The following MYH9 variants were observed in gnomAD, a reference collection of about 807,000 sequenced individuals.
MYH9 encodes myosin heavy chain 9.
In MYH9, 29 loss-of-function variants were observed where a neutral mutation model predicts 241.9. That is an observed-to-expected ratio of 0.12 (90% CI 0.09 to 0.16). MYH9 has a LOEUF of 0.16. Ranked by LOEUF, MYH9 falls within the 10% of genes least tolerant of loss-of-function variation. The probability of loss-of-function intolerance (pLI) is 1.00; values close to 1 mark genes in which losing one functional copy is unlikely to be tolerated. For synonymous variants in MYH9, 1,047 were observed against 1,062.6 expected (o/e 0.99, Z 0.29); for missense variants, 1,803 against 2,595.5 (o/e 0.69, Z 6.63).
chr22:36,377,769 G>A (rs180760445), intron 1 of MYH9, among the ~76,000 whole-genome samples: 310 of 152,200 alleles, frequency 2.0e-3, no homozygotes, highest in Non-Finnish European at 3.6e-3. Flanking sequence ...AATTAGCCGG[G>A]CACGGTGGCG....
intron 3 of MYH9, among the ~76,000 whole-genome samples, chr22:36,337,555 C>G (rs958990383): frequency 1.3e-5 from 2 of 152,316 alleles, no homozygotes; most frequent in Middle Eastern, 3.4e-3. Flanking sequence ...CTACAAGTCC[C>G]CAGACAGAGC....
At chr22:36,382,365 C>T (rs2018272322) in intron 1 of MYH9, among the ~76,000 whole-genome samples, 1 of 151,820 alleles carries the variant, frequency 6.6e-6, no homozygotes, top group South Asian at 2.1e-4. Flanking sequence ...ATCCCAGCTA[C>T]TTGGGAAGCT....
chr22:36,334,681 C>A (rs866210027), intron 3 of MYH9, among the ~76,000 whole-genome samples: 2 of 152,148 alleles, frequency 1.3e-5, no homozygotes, highest in Non-Finnish European at 1.5e-5. Context: ...AAGGAATGAG[C>A]GATTTGAAGC....
intron 1 of MYH9, among the ~76,000 whole-genome samples, chr22:36,368,919 G>A (rs1235368729): frequency 6.6e-6 from 1 of 151,698 alleles, no homozygotes; most frequent in Admixed American, 6.6e-5. Flanking sequence ...GCAAGGGGGT[G>A]GGGGTGGGGG....
In MYH9 at chr22:36,288,140, C is replaced by A; in HGVS notation, c.4932+112G>T. On this transcript the variant is annotated intron_variant, in intron 34 of 40. Coordinates refer to ENST00000216181, the MANE Select transcript of MYH9 (RefSeq NM_002473.6). This position sits in a 1 kb window ranked among gnomAD's most constrained non-coding sequence, Gnocchi z 4.8. ...GGGCTGGAAGCACCCAGGACCTTCC[C>A]AGGAGGTGCCACCCTGCCAGGTTCC... is the stretch of plus-strand genomic sequence containing the variant. The A allele has an allele frequency of 7.4e-7, 1 of 1,353,108 alleles. No homozygotes were observed. The highest frequency in any genetic ancestry group is 2.3e-5 in the East Asian group (1 of 43,446). The allele number at this position is 1,353,108 out of a possible 1,614,324, so 83.8% of individuals were successfully genotyped here.
In MYH9 at chr22:36,285,736, G is replaced by C. The variant is rs1324762913; in HGVS notation, c.5196C>G (p.Ala1732=). 5 of 1,612,606 alleles carry C rather than the reference G, an allele frequency of 3.1e-6. No homozygotes were observed. In the East Asian group the frequency reaches 8.9e-5, roughly 29 times the overall value. ...CCTCCTCCAGCTCCTCCTCCAGCTGGGCGATGCGGGCCTCCAGACGCCGCT... is the reference window on the plus strand; with the variant it reads ...CCTCCTCCAGCTCCTCCTCCAGCTGCGCGATGCGGGCCTCCAGACGCCGCT... The part of the protein sequence containing the change: ...EEKRRLEARI[A]QLEEELEEEQ... Residue 1732 remains alanine (A), a synonymous_variant, in exon 37 of 41, where the codon GCC becomes GCG. Coordinates refer to ENST00000216181, the MANE Select transcript of MYH9 (RefSeq NM_002473.6). This position sits in a 1 kb window ranked among gnomAD's most constrained non-coding sequence, Gnocchi z 7.0.
chr22:36,314,065 C>T, intron 13 of MYH9, 80 bp downstream of exon 13: 1 of 1,516,176 alleles, frequency 6.6e-7, no homozygotes, highest in Non-Finnish European at 9.2e-7. Context: ...ACAACCAACA[C>T]AGAGCTGAGG....
intron 1 of MYH9, among the ~76,000 whole-genome samples, chr22:36,381,515 C>CA (rs772541129): frequency 0.046 from 5,683 of 124,496 alleles, 163 homozygotes; most frequent in East Asian, 0.11. Flanking sequence ...GACTCCATCT[C>CA]AAAAAAAAAA....
chr22:36,354,432 CTT>C (rs1211607568), intron 1 of MYH9, among the ~76,000 whole-genome samples: 1 of 149,270 alleles, frequency 6.7e-6, no homozygotes, highest in Non-Finnish European at 1.5e-5. Flanking sequence ...TTTTTACCCT[CTT>C]ATCTAGTATA....
chr22:36,386,563 G>A (rs1239804948), intron 1 of MYH9, among the ~76,000 whole-genome samples: 1 of 152,198 alleles, frequency 6.6e-6, no homozygotes, highest in Non-Finnish European at 1.5e-5. Context: ...TTGAAATCCT[G>A]TTAAACCCAG....
At chr22:36,354,776 G>C (rs1038840016) in intron 1 of MYH9, among the ~76,000 whole-genome samples, 3 of 151,974 alleles carry the variant, frequency 2.0e-5, no homozygotes, top group Middle Eastern at 3.2e-3. Context: ...TACATTCCCA[G>C]GAGTGGAGTT....
chr22:36,335,130 T>A (rs2017478831), intron 3 of MYH9, among the ~76,000 whole-genome samples: 1 of 152,114 alleles, frequency 6.6e-6, no homozygotes, highest in African/African-American at 2.4e-5. Flanking sequence ...TCTGTGCTAG[T>A]CTCTGGCTCT....
At chr22:36,360,829 G>A (rs1271640858) in intron 1 of MYH9, among the ~76,000 whole-genome samples, 2 of 152,186 alleles carry the variant, frequency 1.3e-5, no homozygotes, top group Non-Finnish European at 2.9e-5. Context: ...CTGGTGAGAT[G>A]GGCACAAAGC....
At chr22:36,354,956 AACACACACACACACACACACACACAC>A (rs136203) in intron 1 of MYH9, among the ~76,000 whole-genome samples, 2 of 123,638 alleles carry the variant, frequency 1.6e-5, no homozygotes, top group Non-Finnish European at 3.3e-5. Flanking sequence ...CAAAAAACAA[AACACACACACACACACACACACACAC>A]ACACACACAC....
intron 18 of MYH9, among the ~76,000 whole-genome samples, chr22:36,304,608 C>T (rs958843136): frequency 1.3e-5 from 2 of 152,178 alleles, no homozygotes; most frequent in African/African-American, 4.8e-5. Context: ...ACAGCCCGTC[C>T]AGCACTGCGC....
At chr22:36,322,306 G>T in intron 6 of MYH9, 123 bp downstream of exon 6, 1 of 1,087,000 alleles carries the variant, frequency 9.2e-7, no homozygotes. Context: ...CGACAGGCCA[G>T]ATAGCACCGA....
intron 1 of MYH9, among the ~76,000 whole-genome samples, chr22:36,360,496 G>T (rs1303222759): frequency 6.6e-6 from 1 of 151,994 alleles, no homozygotes; most frequent in Non-Finnish European, 1.5e-5. Context: ...GGCGGATCAC[G>T]AGGTCAGGAG....
rs2016617277 is a variant in MYH9 at position 36,288,014 on chromosome 22, C to T, written c.4932+238G>A. Among the ~76,000 whole-genome samples the T allele has an allele frequency of 6.6e-6, 1 of 152,192 alleles. No individual in the cohort carries two copies. Among genetic ancestry groups the T allele is most frequent in the East Asian group, 1.9e-4 (1 of 5,184 alleles). ...TGTCTAGGCTTGTACTTGTTTGCTT[C>T]TGTGTTTTATGTACCCAGTCATACA... On this transcript the variant is annotated intron_variant, in intron 34 of 40. Coordinates refer to ENST00000216181, the MANE Select transcript of MYH9 (RefSeq NM_002473.6). This position sits in a 1 kb window ranked among gnomAD's most constrained non-coding sequence, Gnocchi z 4.8.
At chr22:36,328,830 C>A (rs143572462) in intron 3 of MYH9, 3 of 152,274 alleles carry the variant, frequency 2.0e-5, no homozygotes, top group East Asian at 3.9e-4. Context: ...CAGGGCCCTG[C>A]GTGACTAGGC....
Sources: gnomAD v4.1 joint callset for allele counts (sites outside exome capture counted in the v4.1 genomes callset) on GRCh38, gnomAD v4.1.1 for gene constraint, Gnocchi (gnomAD v3.1) non-coding constraint, MANE v1.5 for transcripts, NCBI Gene and HGNC (gene_info 2026-07-23, HGNC 2026-07-21) for gene names.